The following RASA2 variants were observed in gnomAD, a reference collection of about 807,000 sequenced individuals.
RASA2 encodes ras GTPase-activating protein 2.
Under a neutral mutation model 118.2 loss-of-function variants are expected in RASA2, and 155 were observed. The ratio of observed to expected loss-of-function variants is 1.31; its 90% CI spans 1.15 to 1.50. RASA2 has a LOEUF of 1.50. RASA2 is among the 40% of genes most tolerant of loss of function. RASA2 has a pLI of 0.00. For missense variants in RASA2, 1,016 were observed against 1,009.6 expected, an observed-to-expected ratio of 1.01 and a Z score of -0.09; for synonymous variants, 353 against 349.1, an observed-to-expected ratio of 1.01 and a Z score of -0.12.
At chr3:141,494,310 C>T (rs971692639) in intron 1 of RASA2, among the ~76,000 whole-genome samples, 20 of 152,242 alleles carry the variant, frequency 1.3e-4, no homozygotes, top group African/African-American at 7.2e-5. Flanking sequence ...TTTATACCCA[C>T]GTAGGGTGTA....
intron 4 of RASA2, among the ~76,000 whole-genome samples, chr3:141,531,523 A>C (rs2082260439): frequency 6.6e-6 from 1 of 151,776 alleles, no homozygotes; most frequent in Admixed American, 6.6e-5. Context: ...ATGGGTATGC[A>C]TATTTATAGA....
chr3:141,608,442 G>C (rs759401383), intron 20 of RASA2, 47 bp from the exon 21 acceptor site: 1 of 1,572,338 alleles, frequency 6.4e-7, no homozygotes, highest in Non-Finnish European at 8.7e-7. Context: ...CTGTGTGTTG[G>C]TTTTTGGACT....
chr3:141,555,382 C>T (rs1341552513), intron 6 of RASA2, among the ~76,000 whole-genome samples: 2 of 152,024 alleles, frequency 1.3e-5, no homozygotes, highest in African/African-American at 4.8e-5. Flanking sequence ...TTTTTGTGAC[C>T]TCCTCTGAAT....
intron 7 of RASA2, among the ~76,000 whole-genome samples, chr3:141,557,761 G>C (rs959884424): frequency 6.6e-6 from 1 of 152,122 alleles, no homozygotes; most frequent in Non-Finnish European, 1.5e-5. Context: ...TGGAAATAGA[G>C]AGGAAGAGGC....
In RASA2 at chr3:141,581,095, C is replaced by G. The variant is rs2083106498; in HGVS notation, c.1675-5C>G. On this transcript the variant is annotated splice_region_variant and splice_polypyrimidine_tract_variant and intron_variant, in intron 16 of 23. Coordinates refer to ENST00000286364, the MANE Select transcript of RASA2 (RefSeq NM_006506.5). ...CATATAAACCCTGTGTTTGTTTTTTCTTAGTCAAGTTTCAAAGAGACATTC... is the reference window on the plus strand; with the variant it reads ...CATATAAACCCTGTGTTTGTTTTTTGTTAGTCAAGTTTCAAAGAGACATTC... 6.6e-7 allele frequency: 1 copy of G among 1,522,608 alleles called. No individual in the cohort carries two copies. The highest frequency in any genetic ancestry group is 2.5e-5 in the Admixed American group (1 of 40,816). 94.3% of individuals were successfully genotyped at this position (1,522,608 alleles called of 1,614,324 possible).
At position 141,571,481 on chromosome 3, in the gene RASA2, C is replaced by T. The variant is rs757051996; in HGVS notation, c.1096C>T (p.Arg366Ter). The change falls in exon 11 of 24, where the codon CGA (arginine) becomes TGA (stop). Residue 366 changes from arginine to a stop codon, truncating the protein, a stop_gained. Transcript: ENST00000286364. LOFTEE classifies it high-confidence loss of function. Reference sequence around the variant, plus strand: ...AAATGATGCTGTTTTGCCCCTTGTACGACTGCTGCTGCACCATGATAAACT... The same window carrying T: ...AAATGATGCTGTTTTGCCCCTTGTATGACTGCTGCTGCACCATGATAAACT... The part of the protein sequence containing the change: ...DKNDAVLPLV[R>*]LLLHHDKLVP... The T allele has an allele frequency of 1.2e-5, 20 of 1,613,136 alleles. No individual in the cohort carries two copies. Among genetic ancestry groups the T allele is most frequent in the Non-Finnish European group, 1.4e-5 (17 of 1,179,432 alleles).
chr3:141,609,848 T>G (rs755918774), intron 22 of RASA2, 29 bp from the exon 23 acceptor site: 2 of 1,507,038 alleles, frequency 1.3e-6, no homozygotes, highest in South Asian at 2.8e-5. Context: ...AGTTGTCTGA[T>G]CAGAGATTTA....
intron 19 of RASA2, among the ~76,000 whole-genome samples, chr3:141,590,405 A>C (rs193234052): frequency 1.3e-5 from 2 of 152,144 alleles, no homozygotes; most frequent in Non-Finnish European, 2.9e-5. Context: ...ATAATATAAC[A>C]CCTTATTCCC....
chr3:141,497,846 TG>T (rs1270804257), intron 1 of RASA2, among the ~76,000 whole-genome samples: 1 of 150,980 alleles, frequency 6.6e-6, no homozygotes, highest in African/African-American at 2.4e-5. Flanking sequence ...CACTCCAGCC[TG>T]GGTGACAAAG....
chr3:141,539,222 T>A (rs1285577645), intron 4 of RASA2, among the ~76,000 whole-genome samples: 1 of 152,172 alleles, frequency 6.6e-6, no homozygotes, highest in African/African-American at 2.4e-5. Flanking sequence ...AAAGACCTAG[T>A]TTACAAATTA....
intron 6 of RASA2, among the ~76,000 whole-genome samples, chr3:141,555,047 A>C (rs569476854): frequency 5.9e-5 from 9 of 152,272 alleles, no homozygotes; most frequent in Non-Finnish European, 1.2e-4. Flanking sequence ...GGATTACCTG[A>C]GGTCAGGAGT....
chr3:141,516,331 A>G lies in RASA2; in HGVS notation c.255A>G (p.Pro85=), dbSNP rs768464571. The G allele has an allele frequency of 1.5e-5, 23 of 1,552,784 alleles. No individual in the cohort carries two copies. The highest frequency in any genetic ancestry group is 4.2e-5 in the African/African-American group (3 of 72,220). The change falls in exon 3 of 24, where the codon CCA becomes CCG. Residue 85 remains proline, a synonymous_variant. Coordinates refer to ENST00000286364, the MANE Select transcript of RASA2 (RefSeq NM_006506.5). Reference sequence around the variant, plus strand: ...TGAGCTTTCCTTTTCTTTCTAGCCCATTTTTCAGTGAAGAATTTTACTTTG... The same window carrying G: ...TGAGCTTTCCTTTTCTTTCTAGCCCGTTTTTCAGTGAAGAATTTTACTTTG... ...RTQVVEKSLS[P]FFSEEFYFEI... is the part of the protein sequence containing the mutation.
chr3:141,554,944 C>A (rs1184211404), intron 6 of RASA2, among the ~76,000 whole-genome samples: 1 of 151,994 alleles, frequency 6.6e-6, no homozygotes, highest in Admixed American at 6.6e-5. Context: ...CAGTTAGAGA[C>A]AATTTGGCAT....
At chr3:141,566,355 A>G (rs764085897) in intron 9 of RASA2, among the ~76,000 whole-genome samples, 29 of 152,230 alleles carry the variant, frequency 1.9e-4, no homozygotes, top group South Asian at 4.1e-4. Flanking sequence ...CTCTAGATCT[A>G]ACTACCAATA....
intron 1 of RASA2, among the ~76,000 whole-genome samples, chr3:141,507,455 T>C (rs1286500149): frequency 3.9e-5 from 6 of 152,214 alleles, no homozygotes; most frequent in Non-Finnish European, 8.8e-5. Flanking sequence ...AAGAGAGTTA[T>C]TGCCTCTTTT....
rs374083306 is a variant in RASA2 at position 141,574,064 on chromosome 3, C to T, written c.1480C>T (p.Pro494Ser). The T allele has an allele frequency of 1.4e-6, 2 of 1,472,256 alleles. No homozygotes were observed. Among genetic ancestry groups the T allele is most frequent in the Non-Finnish European group, 1.8e-6 (2 of 1,102,658 alleles). 91.2% of individuals were successfully genotyped at this position (1,472,256 alleles called of 1,614,324 possible). The change falls in exon 14 of 24, where the codon CCT becomes TCT. Residue 494 changes from proline to serine, a missense_variant. Transcript: ENST00000286364. ...AAGGCAGATGGCTACTCAGAGATTT[C>T]CTAGTAAGTGCCTTGTTTTACTAAA... The part of the protein sequence containing the change: ...SLRQMATQRF[P>S]NDPHVQYSAV...
intron 17 of RASA2, 40 bp downstream of exon 17, chr3:141,581,217 A>T (rs1214871067): frequency 2.3e-6 from 3 of 1,290,248 alleles, no homozygotes; most frequent in African/African-American, 3.1e-5. Flanking sequence ...TATTTATTTC[A>T]TATAACATGG....
In RASA2 at chr3:141,537,223, G is replaced by A. The variant is rs141286128; in HGVS notation, c.451-3310G>A. 4.4e-3 allele frequency among the ~76,000 whole-genome samples: 669 copies of A among 151,526 alleles called. 8 individuals carry two copies. Among genetic ancestry groups the A allele is most frequent in the Middle Eastern group, 0.037 (11 of 294 alleles). On this transcript the variant is annotated intron_variant, in intron 4 of 23. Coordinates refer to ENST00000286364, the MANE Select transcript of RASA2 (RefSeq NM_006506.5). ...TTTTCTCTTCTCTGCTGTGACTCCA[G>A]TTACATGAATAATAGGCCATTTCAC...
At chr3:141,581,991 G>T (rs1493210) in intron 17 of RASA2, among the ~76,000 whole-genome samples, 1 of 152,050 alleles carries the variant, frequency 6.6e-6, no homozygotes. Flanking sequence ...TAGTCTAGAA[G>T]TTAAGAATTA....
Sources: gnomAD v4.1 joint callset for allele counts (sites outside exome capture counted in the v4.1 genomes callset) on GRCh38, gnomAD v4.1.1 for gene constraint, MANE v1.5 for transcripts, NCBI Gene and HGNC (gene_info 2026-07-23, HGNC 2026-07-21) for gene names.